The following VAV1 variants were observed in gnomAD, a reference collection of about 807,000 sequenced individuals.
VAV1 encodes the protein proto-oncogene vav.
A neutral mutation model predicts 128.1 loss-of-function variants in VAV1; 33 were observed. The ratio of observed to expected loss-of-function variants is 0.26; its 90% CI spans 0.20 to 0.34. The LOEUF (loss-of-function observed/expected upper bound fraction) is 0.34. VAV1 is among the 10% of genes least tolerant of loss of function. The probability of loss-of-function intolerance (pLI) is 1.00; values close to 1 mark genes in which losing one functional copy is unlikely to be tolerated. For missense variants in VAV1, 715 were observed against 1,093.7 expected (o/e 0.65, Z 4.88); for synonymous variants, 394 against 409.8 (o/e 0.96, Z 0.47).
chr19:6,821,986 T>C, intron 4 of VAV1, 127 bp downstream of exon 4: 2 of 1,326,842 alleles, frequency 1.5e-6, no homozygotes, highest in Non-Finnish European at 2.2e-6. Context: ...CACACAACCT[T>C]GCCTGAGAGT....
At chr19:6,818,496 G>C (rs1971711672) in intron 1 of VAV1, among the ~76,000 whole-genome samples, 1 of 152,122 alleles carries the variant, frequency 6.6e-6, no homozygotes. Flanking sequence ...TCCTGCCTCA[G>C]GACCATTGCA....
chr19:6,817,150 C>T (rs963568044), intron 1 of VAV1, among the ~76,000 whole-genome samples: 11 of 151,424 alleles, frequency 7.3e-5, no homozygotes, highest in Non-Finnish European at 7.4e-5. Flanking sequence ...CTGGTTCAAG[C>T]AATTCTCCTG....
chr19:6,853,272 T>A lies in VAV1; in HGVS notation c.2332+193T>A, dbSNP rs113717368. Among the ~76,000 whole-genome samples the A allele has an allele frequency of 8.2e-3, 1,234 of 151,202 alleles. 13 individuals are homozygous for A. Among genetic ancestry groups the A allele is most frequent in the African/African-American group, 0.021 (866 of 41,420 alleles). ...TATAATATAATTTAATTAATTAATT[T>A]ATTTATTTTTTGAGACAGAGTCTCA... On this transcript the variant is annotated intron_variant, in intron 25 of 26. Transcript: ENST00000602142.
chr19:6,827,477 G>A (rs57248437), intron 9 of VAV1, among the ~76,000 whole-genome samples: 5,557 of 152,078 alleles, frequency 0.037, 386 homozygotes, highest in African/African-American at 0.13. Flanking sequence ...GTTTCACCAT[G>A]TTATCCAGGG....
In VAV1 at chr19:6,850,658, A is replaced by G. The variant is rs1438235295; in HGVS notation, c.2130-12A>G. 24 of 1,613,972 alleles carry G rather than the reference A, an allele frequency of 1.5e-5. No homozygotes were observed. The highest frequency in any genetic ancestry group is 2.0e-5 in the Non-Finnish European group (24 of 1,179,910). ...TCCCCAGACTCAGGGCCCGGTGACCATCTGGTTCCAGATATAACGTCGAGG... is the reference window on the plus strand; with the variant it reads ...TCCCCAGACTCAGGGCCCGGTGACCGTCTGGTTCCAGATATAACGTCGAGG... On this transcript the variant is annotated splice_polypyrimidine_tract_variant and intron_variant, in intron 23 of 26. Transcript: ENST00000602142.
At position 6,833,622 on chromosome 19, in the gene VAV1, C is replaced by T. The variant is rs1250867780; in HGVS notation, c.1705C>T (p.Gln569Ter). ...GGTCCCTCCATGTGGCCGACATGGG[C>T]AAGGTACGAGTGGGAGGGAGGCTGG... ...GRVPPCGRHG[Q>*]DFPGTMKKDK... The change falls in exon 17 of 27, where the codon CAA becomes TAA. Residue 569 changes from glutamine (Q) to a stop codon, truncating the protein, a stop_gained. Coordinates refer to ENST00000602142, the MANE Select transcript of VAV1 (RefSeq NM_005428.4). LOFTEE classifies it high-confidence loss of function. 6.2e-7 allele frequency: 1 copy of T among 1,613,864 alleles called. No individual in the cohort carries two copies. The highest frequency in any genetic ancestry group is 8.5e-7 in the Non-Finnish European group (1 of 1,179,860).
intron 9 of VAV1, among the ~76,000 whole-genome samples, chr19:6,827,394 C>G (rs151310298): frequency 2.1e-4 from 32 of 152,206 alleles, no homozygotes; most frequent in African/African-American, 7.5e-4. Flanking sequence ...CCTACCTTGG[C>G]CTCCTGAGTA....
At chr19:6,799,692 G>C (rs1971220322) in intron 1 of VAV1, among the ~76,000 whole-genome samples, 1 of 151,730 alleles carries the variant, frequency 6.6e-6, no homozygotes, top group Non-Finnish European at 1.5e-5. Flanking sequence ...CATGAATCAA[G>C]TTGCTAGCTG....
Position 6,821,702 on chromosome 19 carries a change from G to C in VAV1, c.380+22G>C, listed in dbSNP as rs201520206. On this transcript the variant is annotated intron_variant, in intron 3 of 26. Transcript: ENST00000602142. ...TCATGTGAGTAACCACCTGGGCCTT[G>C]GGCCATTTAGCCCCAGTCCTCCCCC... 18 of 1,614,152 alleles carry C rather than the reference G, an allele frequency of 1.1e-5. No individual in the cohort carries two copies. In the East Asian group the frequency reaches 2.0e-4, roughly 18 times the overall value.
chr19:6,814,687 T>TCTTC (rs1971596561), intron 1 of VAV1, among the ~76,000 whole-genome samples: 1 of 105,220 alleles, frequency 9.5e-6, no homozygotes, highest in African/African-American at 5.4e-5. Flanking sequence ...TTTCTTTCTT[T>TCTTC]CTTTCTTTCT....
Position 6,852,946 on chromosome 19 carries a change from C to A in VAV1, c.2218-19C>A. 2 of 1,601,496 alleles carry A rather than the reference C, an allele frequency of 1.2e-6. No individual in the cohort carries two copies. The highest frequency in any genetic ancestry group is 2.2e-5 in the South Asian group (2 of 90,708). On this transcript the variant is annotated intron_variant, in intron 24 of 26. Coordinates refer to ENST00000602142, the MANE Select transcript of VAV1 (RefSeq NM_005428.4). ...GCTGGCCCGCTGGGATAGCATCTGC[C>A]ATGTGGTCCGCCTTCTAGGAGCTGG...
intron 25 of VAV1, 34 bp from the exon 26 acceptor site, chr19:6,853,913 A>G: frequency 6.3e-7 from 1 of 1,599,518 alleles, no homozygotes. Context: ...TATCTGCCCC[A>G]GACCCTTTTC....
chr19:6,809,442 C>T (rs915003881), intron 1 of VAV1, among the ~76,000 whole-genome samples: 1 of 152,150 alleles, frequency 6.6e-6, no homozygotes, highest in Non-Finnish European at 1.5e-5. Flanking sequence ...GCATTCAGGG[C>T]AGAGGCAACC....
At chr19:6,816,144 C>T (rs377201160) in intron 1 of VAV1, among the ~76,000 whole-genome samples, 4,027 of 151,936 alleles carry the variant, frequency 0.027, 75 homozygotes, top group Non-Finnish European at 0.041. Context: ...CTCAGCCTCC[C>T]GAGTAGCTGG....
chr19:6,831,005 T>C (rs1160616460), intron 14 of VAV1, among the ~76,000 whole-genome samples: 2 of 152,120 alleles, frequency 1.3e-5, no homozygotes, highest in Non-Finnish European at 2.9e-5. Context: ...GGTGGGAGGA[T>C]CGCCTGTGGC....
rs1972657735 is a variant in VAV1, at chr19:6,850,843, A to G, written c.2217+86A>G. 3.6e-6 allele frequency: 5 copies of G among 1,380,300 alleles called. No homozygotes were observed. In the South Asian group the frequency reaches 6.2e-5, roughly 17 times the overall value. The allele number at this position is 1,380,300 out of a possible 1,614,324, so 85.5% of individuals were successfully genotyped here. A position where few individuals can be genotyped will look rare whatever the true frequency, so the allele number is the denominator to read the frequency against. ...CTCCGCCTTGGGACCCCCTTTTCCC[A>G]CATTCAGGGTGACCCCCCTCCAGTG... On this transcript the variant is annotated intron_variant, in intron 24 of 26. Coordinates refer to ENST00000602142, the MANE Select transcript of VAV1 (RefSeq NM_005428.4).
chr19:6,834,701 GTATATATAA>G (rs1266045676), intron 19 of VAV1, among the ~76,000 whole-genome samples: 2 of 143,064 alleles, frequency 1.4e-5, no homozygotes, highest in Non-Finnish European at 3.0e-5. Context: ...TATATTATAT[GTATATATAA>G]TATATCTTTT....
At chr19:6,831,245 TC>T in intron 14 of VAV1, among the ~76,000 whole-genome samples, 1 of 152,132 alleles carries the variant, frequency 6.6e-6, no homozygotes, top group East Asian at 1.9e-4. Flanking sequence ...TTCTGCTTTT[TC>T]TCCTGTGAAC....
Position 6,808,003 on chromosome 19 carries a change from A to AG in VAV1, c.205-12699_205-12698insG, listed in dbSNP as rs1430168667. 2.4e-3 allele frequency among the ~76,000 whole-genome samples: 364 copies of AG among 149,414 alleles called. 1 individual carries two copies. Among genetic ancestry groups the AG allele is most frequent in the African/African-American group, 8.5e-3 (342 of 40,406 alleles). ...AGACTCTGTCTCAAAAAAAAAAAAA[A>AG]AAAAAGAAAAGAAAAAGTTAAAAAA... On this transcript the variant is annotated intron_variant, in intron 1 of 26. Coordinates refer to ENST00000602142, the MANE Select transcript of VAV1 (RefSeq NM_005428.4).
Sources: allele counts gnomAD v4.1 joint callset (sites outside exome capture counted in the v4.1 genomes callset), GRCh38; gene constraint gnomAD v4.1.1; transcripts MANE v1.5; gene names NCBI Gene and HGNC (gene_info 2026-07-23, HGNC 2026-07-21).